MFSD11: variants seen among roughly 807,000 people sequenced by gnomAD.
MFSD11 encodes the protein UNC93-like protein MFSD11.
Under a neutral mutation model 53.5 loss-of-function variants are expected in MFSD11, and 36 were observed. The ratio of observed to expected loss-of-function variants is 0.67; its 90% CI spans 0.52 to 0.89. The LOEUF is 0.89. Ranked by LOEUF, MFSD11 falls within the 40% of genes least tolerant of loss-of-function variation. The probability of loss-of-function intolerance (pLI) is 0.00; values close to 1 mark genes in which losing one functional copy is unlikely to be tolerated. For missense variants in MFSD11, 530 were observed against 543.9 expected (o/e 0.97, Z 0.25); for synonymous variants, 186 against 184.9 (o/e 1.01, Z -0.05).
chr17:76,740,529 G>A (rs1216283748), intron 2 of MFSD11, among the ~76,000 whole-genome samples: 4 of 152,212 alleles, frequency 2.6e-5, no homozygotes, highest in African/African-American at 9.6e-5. Flanking sequence ...GAGTCATGCA[G>A]TCCTGGCTCG....
the MFSD11 span, among the ~76,000 whole-genome samples, chr17:76,796,689 G>A: frequency 2.0e-5 from 3 of 151,828 alleles, no homozygotes; most frequent in East Asian, 1.9e-4. Context: ...AAAGAATTCC[G>A]AGGCTGGGCA....
the MFSD11 span, among the ~76,000 whole-genome samples, chr17:76,802,944 C>T: frequency 6.6e-6 from 1 of 151,840 alleles, no homozygotes; most frequent in African/African-American, 2.4e-5. Context: ...CAAAGCGAGG[C>T]CAGGAGATCG....
chr17:76,767,618 C>T (rs1480769681), intron 9 of MFSD11, among the ~76,000 whole-genome samples, 167 bp downstream of exon 9: 5 of 152,228 alleles, frequency 3.3e-5, no homozygotes, highest in South Asian at 2.1e-4. Flanking sequence ...CTTCACGTGT[C>T]GCCTTCACTG....
chr17:76,738,386 A>G lies in MFSD11; in HGVS notation c.34A>G (p.Ile12Val), dbSNP rs370665293. 2.5e-6 allele frequency: 4 copies of G among 1,613,994 alleles called. No individual in the cohort carries two copies. Among genetic ancestry groups the G allele is most frequent in the Non-Finnish European group, 2.5e-6 (3 of 1,179,998 alleles). Residue 12 changes from isoleucine (I) to valine (V), a missense_variant, in exon 1 of 13, where the codon ATT becomes GTT. By Grantham distance (29) the Ile-to-Val change is conservative. Coordinates refer to ENST00000685175, the MANE Select transcript of MFSD11 (RefSeq NM_001242532.5). ...SPESKKLFNIIILGVAFMFMF... is the reference protein window; with the variant it reads ...SPESKKLFNIVILGVAFMFMF... ...GGAATCTAAAAAGCTTTTCAACATC[A>G]TTATTTTAGGAGTTGCCTTTATGTT...
chr17:76,743,723 TCTC>T (rs1429560985), intron 6 of MFSD11, among the ~76,000 whole-genome samples: 4 of 152,096 alleles, frequency 2.6e-5, no homozygotes, highest in Non-Finnish European at 5.9e-5. Flanking sequence ...TTCAAACAGT[TCTC>T]CTGCTTCAGC....
chr17:76,775,438 T>G (rs998721519), intron 11 of MFSD11, among the ~76,000 whole-genome samples: 1 of 152,222 alleles, frequency 6.6e-6, no homozygotes, highest in Non-Finnish European at 1.5e-5. Flanking sequence ...GATTTGAATT[T>G]TTTATCTCTG....
intron 7 of MFSD11, among the ~76,000 whole-genome samples, chr17:76,751,718 AAG>A (rs983647911): frequency 2.6e-5 from 4 of 151,992 alleles, no homozygotes; most frequent in African/African-American, 4.8e-5. Flanking sequence ...AAAAAGGAAA[AAG>A]AAAAATCTTT....
intron 11 of MFSD11, among the ~76,000 whole-genome samples, chr17:76,775,645 G>A (rs1398861038): frequency 1.3e-5 from 2 of 152,132 alleles, no homozygotes; most frequent in Non-Finnish European, 2.9e-5. Flanking sequence ...ACAAATCCAA[G>A]GGGAGCCCAG....
At chr17:76,794,410 G>A in the MFSD11 span, among the ~76,000 whole-genome samples, 1 of 150,498 alleles carries the variant, frequency 6.6e-6, no homozygotes, top group Non-Finnish European at 1.5e-5. Context: ...CCAGGAGGTG[G>A]AGGTTGCAGT....
Position 76,778,471 on chromosome 17 carries a change from A to G in MFSD11, c.*119A>G. On this transcript the variant is annotated 3_prime_UTR_variant, in exon 13 of 13. Transcript: ENST00000685175. The stretch of plus-strand genomic sequence containing the variant: ...GGGTGATGTTCAGTATGGAAAATCA[A>G]GGGATTAAGACTGTTAAATCAGCCA... The G allele has an allele frequency of 9.9e-7, 1 of 1,014,286 alleles. No homozygotes were observed. The highest frequency in any genetic ancestry group is 1.5e-6 in the Non-Finnish European group (1 of 684,742). 62.8% of individuals were successfully genotyped at this position (1,014,286 alleles called of 1,614,324 possible).
intron 8 of MFSD11, among the ~76,000 whole-genome samples, chr17:76,759,962 A>G (rs993892289): frequency 2.0e-5 from 3 of 151,732 alleles, no homozygotes; most frequent in Non-Finnish European, 4.4e-5. Flanking sequence ...TAGAGAAAAG[A>G]AAATATTAAG....
intron 8 of MFSD11, among the ~76,000 whole-genome samples, chr17:76,766,740 A>AG (rs1206913552): frequency 3.0e-4 from 46 of 152,228 alleles, no homozygotes; most frequent in African/African-American, 1.1e-3. Flanking sequence ...TGTGTACTAG[A>AG]GTAGTGGTCC....
intron 12 of MFSD11, among the ~76,000 whole-genome samples, chr17:76,777,934 C>A (rs538081970): frequency 6.6e-6 from 1 of 152,150 alleles, no homozygotes; most frequent in African/African-American, 2.4e-5. Flanking sequence ...CCACCTTGGC[C>A]TCCCAAAGTG....
At position 76,742,365 on chromosome 17, in the gene MFSD11, C is replaced by T. The variant is rs2078173794; in HGVS notation, c.437+92C>T. 7.9e-6 allele frequency: 8 copies of T among 1,008,444 alleles called. No homozygotes were observed. In the South Asian group the frequency reaches 1.2e-4, roughly 15 times the overall value. 62.5% of individuals were successfully genotyped at this position (1,008,444 alleles called of 1,614,324 possible). ...GTCTTTGGTTGACAATTTGGATCTTCCATGTTACGTGACTTAAGTTCTAGC... is the reference window on the plus strand; with the variant it reads ...GTCTTTGGTTGACAATTTGGATCTTTCATGTTACGTGACTTAAGTTCTAGC... On this transcript the variant is annotated intron_variant, in intron 5 of 12. Transcript: ENST00000685175.
At chr17:76,768,402 A>G (rs1414340458) in intron 9 of MFSD11, among the ~76,000 whole-genome samples, 1 of 152,148 alleles carries the variant, frequency 6.6e-6, no homozygotes, top group Non-Finnish European at 1.5e-5. Flanking sequence ...AGAATGATAA[A>G]GAAATTTGTT....
chr17:76,794,699 TTTTTTTG>T, the MFSD11 span, among the ~76,000 whole-genome samples: 6 of 3,766 alleles, frequency 1.6e-3, no homozygotes, highest in Admixed American at 4.3e-3. Flanking sequence ...TTTTTTTTTT[TTTTTTTG>T]TTTTGAGATG....
chr17:76,742,117 T>C, intron 4 of MFSD11, 60 bp from the exon 5 acceptor site: 11 of 1,613,762 alleles, frequency 6.8e-6, no homozygotes, highest in Non-Finnish European at 9.3e-6. Context: ...TATTTATGTG[T>C]TTAGTATGTG....
At chr17:76,737,226 C>T (rs757971391), upstream of MFSD11, 12 of 1,466,146 alleles carry the variant, frequency 8.2e-6, no homozygotes, top group East Asian at 2.5e-5. Flanking sequence ...GGCGGTGCGA[C>T]GCCGCGCCTC....
Position 76,776,582 on chromosome 17 carries a change from T to C in MFSD11, c.1185+41T>C. ...TGTGATTGTGTTTGACATAGGGCTC[T>C]TCCCTTTGTGTATTGCCTTGTTTTC... is the stretch of plus-strand genomic sequence containing the variant. On this transcript the variant is annotated intron_variant, in intron 12 of 12. Transcript: ENST00000685175. The surrounding 1 kb of genome is among the most constrained non-coding windows in gnomAD (Gnocchi z 4.2). 1.3e-6 allele frequency: 2 copies of C among 1,585,764 alleles called. No individual in the cohort carries two copies. Among genetic ancestry groups the C allele is most frequent in the Non-Finnish European group, 1.7e-6 (2 of 1,166,402 alleles).
Sources: gnomAD v4.1 joint callset for allele counts (sites outside exome capture counted in the v4.1 genomes callset) on GRCh38, gnomAD v4.1.1 for gene constraint, Gnocchi (gnomAD v3.1) non-coding constraint, MANE v1.5 for transcripts, NCBI Gene and HGNC (gene_info 2026-07-23, HGNC 2026-07-21) for gene names.